PIK3C2G: variants seen among roughly 807,000 people sequenced by gnomAD.
PIK3C2G encodes the protein phosphatidylinositol 3-kinase C2 domain-containing subunit gamma.
A neutral mutation model predicts 181.1 loss-of-function variants in PIK3C2G; 168 were observed. The observed-to-expected ratio is 0.93, with a 90% CI of 0.82 to 1.05. PIK3C2G has a LOEUF of 1.05. Ranked by LOEUF, PIK3C2G falls within the 50% of genes least tolerant of loss-of-function variation. The probability of loss-of-function intolerance (pLI) is 0.00; values close to 1 mark genes in which losing one functional copy is unlikely to be tolerated. For synonymous variants in PIK3C2G, 573 were observed against 592.2 expected (o/e 0.97, Z 0.47); for missense variants, 1,869 against 1,732.8 (o/e 1.08, Z -1.40).
intron 1 of PIK3C2G, among the ~76,000 whole-genome samples, chr12:18,262,273 G>A (rs1027287966): frequency 6.6e-6 from 1 of 152,064 alleles, no homozygotes; most frequent in Non-Finnish European, 1.5e-5. Context: ...ATTAAAGTTA[G>A]AGATAAGATA....
chr12:18,246,671 T>C (rs545519214), upstream of PIK3C2G, among the ~76,000 whole-genome samples: 5 of 152,248 alleles, frequency 3.3e-5, no homozygotes, highest in South Asian at 8.3e-4. Flanking sequence ...ATAAAGCATG[T>C]GAACTGAAAA....
intron 1 of PIK3C2G, among the ~76,000 whole-genome samples, chr12:18,255,754 G>T (rs1420861673): frequency 6.6e-6 from 1 of 152,088 alleles, no homozygotes; most frequent in Non-Finnish European, 1.5e-5. Context: ...GAAAGAAGAC[G>T]GTAAAAAATA....
At chr12:18,254,028 C>T (rs1948120264) in intron 1 of PIK3C2G, among the ~76,000 whole-genome samples, 1 of 151,762 alleles carries the variant, frequency 6.6e-6, no homozygotes, top group African/African-American at 2.4e-5. Flanking sequence ...AAAAAAGATG[C>T]ATCCTAAGAG....
At chr12:18,511,050 T>C (rs989144804) in intron 24 of PIK3C2G, among the ~76,000 whole-genome samples, 1 of 151,378 alleles carries the variant, frequency 6.6e-6, no homozygotes, top group Non-Finnish European at 1.5e-5. Context: ...AATTAAACTT[T>C]ATTAGATTTC....
At chr12:18,653,778 G>A in the PIK3C2G span, among the ~76,000 whole-genome samples, 1 of 152,058 alleles carries the variant, frequency 6.6e-6, no homozygotes, top group African/African-American at 2.4e-5. Context: ...TGCAATTATA[G>A]GAGGGAAGTG....
chr12:18,567,094 C>T (rs751412160), intron 29 of PIK3C2G, 37 bp downstream of exon 29: 2 of 941,986 alleles, frequency 2.1e-6, no homozygotes, highest in Non-Finnish European at 1.7e-6. Flanking sequence ...TTACATAAAA[C>T]ATCAACTATT....
In PIK3C2G at chr12:18,381,849, A is replaced by G. The variant is rs752024499; in HGVS notation, c.1964A>G (p.Asp655Gly). ...GAAATGATAACTCCAGGAGTGTGGG[A>G]TGTAAGTCAGCCATCCCCGGTGACC... is the stretch of plus-strand genomic sequence containing the variant. ...PVEMITPGVW[D>G]VSQPSPVTLQ... Residue 655 changes from aspartate to glycine, a missense_variant, in exon 14 of 33, where the codon GAT (aspartate) becomes GGT (glycine). Transcript: ENST00000538779. The G allele has an allele frequency of 3.1e-6, 5 of 1,613,196 alleles. No homozygotes were observed. In the Admixed American group the frequency reaches 6.7e-5, roughly 22 times the overall value.
At position 18,491,556 on chromosome 12, in the gene PIK3C2G, G is replaced by A. The variant is rs181773550; in HGVS notation, c.2791G>A (p.Asp931Asn). 4.6e-5 allele frequency: 69 copies of A among 1,489,534 alleles called. No individual in the cohort carries two copies. In the African/African-American group the frequency reaches 5.1e-4, roughly 11 times the overall value. The allele number at this position is 1,489,534 out of a possible 1,614,324, so 92.3% of individuals were successfully genotyped here. Residue 931 changes from aspartate (D) to asparagine (N), a missense_variant and splice_region_variant, in exon 20 of 33, where the codon GAT becomes AAT. Transcript: ENST00000538779. ...PALCIKGIDH[D>N]ACSYFTSNAL... Reference sequence around the variant, plus strand: ...CCTATGTATAAAAGGGATTGATCACGATGTAAGTCAACTTATTCCTCAGAT... The same window carrying A: ...CCTATGTATAAAAGGGATTGATCACAATGTAAGTCAACTTATTCCTCAGAT...
intron 13 of PIK3C2G, among the ~76,000 whole-genome samples, chr12:18,374,727 A>G (rs1766896348): frequency 6.6e-6 from 1 of 152,100 alleles, no homozygotes; most frequent in African/African-American, 2.4e-5. Context: ...TGGAGGTGGG[A>G]CCTGGTGGTA....
chr12:18,496,136 C>T lies in PIK3C2G; in HGVS notation c.2868C>T (p.Asn956=), dbSNP rs1940991088. ...TFINANPMGK[N]ISIIFKAGDD... is the part of the protein sequence containing the mutation. ...TCAATGCTAATCCGATGGGCAAAAACATCAGCATTATTTTTAAGGTATGGT... is the reference window on the plus strand; with the variant it reads ...TCAATGCTAATCCGATGGGCAAAAATATCAGCATTATTTTTAAGGTATGGT... The change falls in exon 21 of 33, where the codon AAC becomes AAT. Residue 956 remains asparagine, a synonymous_variant. Transcript: ENST00000538779. The T allele has an allele frequency of 6.5e-7, 1 of 1,531,154 alleles. No individual in the cohort carries two copies. The highest frequency in any genetic ancestry group is 8.8e-7 in the Non-Finnish European group (1 of 1,132,030). 94.8% of individuals were successfully genotyped at this position (1,531,154 alleles called of 1,614,324 possible). A position where few individuals can be genotyped will look rare whatever the true frequency, so the allele number is the denominator to read the frequency against.
intron 18 of PIK3C2G, among the ~76,000 whole-genome samples, chr12:18,452,504 TAA>T (rs140549381): frequency 2.0e-5 from 3 of 151,174 alleles, no homozygotes; most frequent in African/African-American, 7.3e-5. Context: ...AATCTTTTTT[TAA>T]AAAAAAACAG....
the PIK3C2G span, among the ~76,000 whole-genome samples, chr12:18,711,532 A>AATT: frequency 4.2e-5 from 6 of 144,176 alleles, no homozygotes; most frequent in African/African-American, 1.6e-4. Context: ...CTTAAAGTAT[A>AATT]ATAATAATAA....
At chr12:18,366,911 A>G (rs1195520847) in intron 12 of PIK3C2G, among the ~76,000 whole-genome samples, 1 of 152,160 alleles carries the variant, frequency 6.6e-6, no homozygotes, top group East Asian at 1.9e-4. Context: ...TAAAGAATGG[A>G]TAAATAACTC....
At chr12:18,462,048 G>A (rs936970893) in intron 18 of PIK3C2G, among the ~76,000 whole-genome samples, 3 of 152,158 alleles carry the variant, frequency 2.0e-5, no homozygotes, top group Non-Finnish European at 4.4e-5. Context: ...GTCCACCCAG[G>A]AAAATCTCCC....
chr12:18,720,620 A>G, the PIK3C2G span, among the ~76,000 whole-genome samples: 5 of 151,990 alleles, frequency 3.3e-5, no homozygotes, highest in African/African-American at 1.2e-4. Context: ...TAAAATTTTT[A>G]GTTGCTATTA....
chr12:18,510,203 T>C lies in PIK3C2G; in HGVS notation c.3323+4742T>C, dbSNP rs78462358. Among the ~76,000 whole-genome samples, 99 of 152,252 alleles carry C rather than the reference T, an allele frequency of 6.5e-4. 1 individual carries two copies. In the East Asian group the frequency reaches 0.019, roughly 29 times the overall value. ...CCAGGCTGGTCTTCAACTCCTAGGC[T>C]CAAACAATTTGGACCTCGGCCCAAA... On this transcript the variant is annotated intron_variant, in intron 24 of 32. Transcript: ENST00000538779.
intron 28 of PIK3C2G, among the ~76,000 whole-genome samples, chr12:18,565,309 A>G (rs1244998555): frequency 6.6e-6 from 1 of 152,176 alleles, no homozygotes; most frequent in Non-Finnish European, 1.5e-5. Context: ...CAAATCAGCT[A>G]TTTGTGTTTC....
At chr12:18,648,563 T>A (rs1950276725), downstream of PIK3C2G, 1 of 167,132 alleles carries the variant, frequency 6.0e-6, no homozygotes, top group African/African-American at 2.4e-5. Flanking sequence ...AATCCTGAAA[T>A]TCTTACATTC....
At chr12:18,702,116 T>C in the PIK3C2G span, among the ~76,000 whole-genome samples, 1 of 152,246 alleles carries the variant, frequency 6.6e-6, no homozygotes, top group Non-Finnish European at 1.5e-5. Flanking sequence ...ATGAAAATGT[T>C]ACAACTTCTG....
Sources: allele counts gnomAD v4.1 joint callset (sites outside exome capture counted in the v4.1 genomes callset), GRCh38; gene constraint gnomAD v4.1.1; transcripts MANE v1.5; gene names NCBI Gene and HGNC (gene_info 2026-07-23, HGNC 2026-07-21).